CLVS1: variants seen among roughly 807,000 people sequenced by gnomAD.
The protein encoded by CLVS1 is clavesin 1.
Under a neutral mutation model 33.1 loss-of-function variants are expected in CLVS1, and 10 were observed. That is an observed-to-expected ratio of 0.30 (90% CI 0.19 to 0.51). The LOEUF (loss-of-function observed/expected upper bound fraction) is 0.51, where lower values mean the gene tolerates loss of function less well. CLVS1 is among the 20% of genes least tolerant of loss of function. The probability of loss-of-function intolerance (pLI) is 0.97; values close to 1 mark genes in which losing one functional copy is unlikely to be tolerated. For synonymous variants in CLVS1, 163 were observed against 166.1 expected (o/e 0.98, Z 0.14); for missense variants, 343 against 433.4 (o/e 0.79, Z 1.85).
chr8:61,017,112 C>T, the CLVS1 span, among the ~76,000 whole-genome samples: 1 of 152,184 alleles, frequency 6.6e-6, no homozygotes, highest in East Asian at 1.9e-4. Flanking sequence ...TCACATTAGG[C>T]CAGGGCTGCA....
chr8:61,388,627 T>C (rs1814179259), intron 3 of CLVS1, among the ~76,000 whole-genome samples: 1 of 152,044 alleles, frequency 6.6e-6, no homozygotes, highest in Non-Finnish European at 1.5e-5. Context: ...TATATCTTTT[T>C]TATTATTTAT....
chr8:61,247,772 A>C (rs905803889), intron 2 of CLVS1, among the ~76,000 whole-genome samples: 6 of 152,198 alleles, frequency 3.9e-5, no homozygotes, highest in African/African-American at 1.4e-4. Flanking sequence ...TTTGCTGTGC[A>C]GAAGTTCTTA....
chr8:61,009,373 C>A, the CLVS1 span, among the ~76,000 whole-genome samples: 4 of 152,130 alleles, frequency 2.6e-5, no homozygotes, highest in African/African-American at 9.7e-5. Context: ...GTCTCGAACT[C>A]CTGGGCTCAA....
chr8:61,410,810 T>C (rs1020551070), intron 3 of CLVS1, among the ~76,000 whole-genome samples: 1 of 152,128 alleles, frequency 6.6e-6, no homozygotes, highest in East Asian at 1.9e-4. Context: ...ACCAGCTGAT[T>C]TTTGTATTTT....
intron 1 of CLVS1, among the ~76,000 whole-genome samples, chr8:61,101,355 T>C (rs1306913953): frequency 6.6e-6 from 1 of 152,222 alleles, no homozygotes; most frequent in Non-Finnish European, 1.5e-5. Context: ...TATGTGCTTA[T>C]TGTGTTTGTA....
At chr8:61,366,075 T>A (rs986438759) in intron 2 of CLVS1, among the ~76,000 whole-genome samples, 4 of 152,174 alleles carry the variant, frequency 2.6e-5, no homozygotes, top group Non-Finnish European at 4.4e-5. Flanking sequence ...TTTTTTATAT[T>A]TGTTTAGTAA....
At chr8:61,388,322 T>A (rs1338596802) in intron 3 of CLVS1, among the ~76,000 whole-genome samples, 1 of 150,342 alleles carries the variant, frequency 6.7e-6, no homozygotes, top group Admixed American at 6.6e-5. Flanking sequence ...TCAATCATTT[T>A]TTTTTGGTTG....
chr8:61,225,121 A>G (rs1358645861), intron 2 of CLVS1, among the ~76,000 whole-genome samples: 1 of 152,140 alleles, frequency 6.6e-6, no homozygotes, highest in East Asian at 1.9e-4. Flanking sequence ...GTTTGAGACC[A>G]GCCCGACCAA....
At chr8:61,494,626 T>C (rs1183207843) in intron 5 of CLVS1, among the ~76,000 whole-genome samples, 3 of 135,560 alleles carry the variant, frequency 2.2e-5, no homozygotes, top group African/African-American at 8.3e-5. Flanking sequence ...GCAGAATTCC[T>C]AAGCACTCTG....
In CLVS1 at chr8:61,355,888, T is replaced by C. The variant is rs576678987; in HGVS notation, c.456-20717T>C. Among the ~76,000 whole-genome samples, 178 of 152,312 alleles carry C rather than the reference T, an allele frequency of 1.2e-3. 1 individual carries two copies. Among genetic ancestry groups the C allele is most frequent in the Non-Finnish European group, 2.2e-3 (147 of 68,018 alleles). ...GCAATAAACATACGTGTGCATGTGT[T>C]TTTATAGCAGCATGATTTATAGACC... On this transcript the variant is annotated intron_variant, in intron 2 of 5. Coordinates refer to ENST00000325897, the MANE Select transcript of CLVS1 (RefSeq NM_173519.3).
intron 2 of CLVS1, among the ~76,000 whole-genome samples, chr8:61,254,420 T>C (rs1343051173): frequency 5.3e-5 from 8 of 152,210 alleles, no homozygotes; most frequent in Non-Finnish European, 1.0e-4. Context: ...AGCTGCGTGC[T>C]GGGAGATCCA....
At chr8:61,389,822 G>T (rs1307379569) in intron 3 of CLVS1, among the ~76,000 whole-genome samples, 1 of 152,060 alleles carries the variant, frequency 6.6e-6, no homozygotes, top group African/African-American at 2.4e-5. Flanking sequence ...CTATAATATG[G>T]TATAAAAATG....
intron 2 of CLVS1, among the ~76,000 whole-genome samples, chr8:61,172,709 C>T (rs559537727): frequency 6.6e-6 from 1 of 152,222 alleles, no homozygotes; most frequent in South Asian, 2.1e-4. Context: ...GAAAATTTAT[C>T]GTATTTTCAC....
At chr8:61,191,496 T>G (rs900490382) in intron 2 of CLVS1, among the ~76,000 whole-genome samples, 3 of 152,154 alleles carry the variant, frequency 2.0e-5, no homozygotes, top group African/African-American at 4.8e-5. Flanking sequence ...ACAACTCCTA[T>G]TCAACACAGT....
At chr8:60,980,765 G>A in the CLVS1 span, among the ~76,000 whole-genome samples, 1 of 152,116 alleles carries the variant, frequency 6.6e-6, no homozygotes, top group Non-Finnish European at 1.5e-5. Flanking sequence ...CAGCCTGGGT[G>A]ACAGAGTGAG....
At chr8:60,993,029 A>G in the CLVS1 span, among the ~76,000 whole-genome samples, 25 of 152,322 alleles carry the variant, frequency 1.6e-4, no homozygotes, top group Non-Finnish European at 2.9e-4. Context: ...GAGCACTAAA[A>G]AGCTACCTCC....
At chr8:61,466,799 C>T (rs571680403) in intron 5 of CLVS1, among the ~76,000 whole-genome samples, 1 of 152,120 alleles carries the variant, frequency 6.6e-6, no homozygotes, top group African/African-American at 2.4e-5. Flanking sequence ...AGGTGCCCAC[C>T]ACCACACTCA....
upstream of CLVS1, among the ~76,000 whole-genome samples, chr8:61,287,535 C>G (rs1030965961): frequency 3.3e-5 from 5 of 151,974 alleles, no homozygotes; most frequent in Admixed American, 6.6e-5. Flanking sequence ...CTTTCCTATC[C>G]TGAGATCGGT....
intron 3 of CLVS1, among the ~76,000 whole-genome samples, chr8:61,383,971 G>A (rs1563528528): frequency 6.6e-6 from 1 of 152,146 alleles, no homozygotes; most frequent in Non-Finnish European, 1.5e-5. Context: ...AAAATATTTG[G>A]AAAAAGAGAC....
Sources: allele counts gnomAD v4.1 joint callset (sites outside exome capture counted in the v4.1 genomes callset), GRCh38; gene constraint gnomAD v4.1.1; transcripts MANE v1.5; gene names NCBI Gene and HGNC (gene_info 2026-07-23, HGNC 2026-07-21).